The following MNAT1 variants were observed in gnomAD, a reference collection of about 807,000 sequenced individuals.
MNAT1 encodes the protein CDK-activating kinase assembly factor MAT1.
Under a neutral mutation model 42.0 loss-of-function variants are expected in MNAT1, and 43 were observed. The ratio of observed to expected loss-of-function variants is 1.02; its 90% confidence interval spans 0.80 to 1.32. MNAT1 has a LOEUF of 1.32. Among genes scored for constraint, MNAT1 ranks in the 40% most tolerant of loss-of-function variants. MNAT1 has a pLI of 0.00. For missense variants in MNAT1, 306 were observed against 350.4 expected, an observed-to-expected ratio of 0.87 and a Z score of 1.01; for synonymous variants, 118 against 120.0, an observed-to-expected ratio of 0.98 and a Z score of 0.11.
At chr14:60,952,225 T>C (rs1408389763) in intron 7 of MNAT1, among the ~76,000 whole-genome samples, 3 of 152,022 alleles carry the variant, frequency 2.0e-5, no homozygotes, top group African/African-American at 7.2e-5. Context: ...TAATGGAAAA[T>C]ATGTTTGGAA....
At chr14:60,869,040 A>AT (rs71114162) in intron 6 of MNAT1, among the ~76,000 whole-genome samples, 4,958 of 113,098 alleles carry the variant, frequency 0.044, 223 homozygotes, top group African/African-American at 0.061. Context: ...ATATATATAT[A>AT]TTTTTTTTTT....
intron 1 of MNAT1, among the ~76,000 whole-genome samples, chr14:60,783,137 G>T (rs1448502948): frequency 6.6e-6 from 1 of 152,148 alleles, no homozygotes; most frequent in Admixed American, 6.5e-5. Flanking sequence ...TGTCAAGTGG[G>T]TCTAAGCTTT....
chr14:60,963,774 TGAACCAATCCAA>T (rs2139624803), intron 7 of MNAT1, among the ~76,000 whole-genome samples: 1 of 152,372 alleles, frequency 6.6e-6, no homozygotes, highest in African/African-American at 2.4e-5. Context: ...TTTCTTAGTT[TGAACCAATCCAA>T]GTTTTTAACT....
chr14:60,888,624 A>G (rs1055572793), intron 7 of MNAT1, among the ~76,000 whole-genome samples: 67 of 150,976 alleles, frequency 4.4e-4, no homozygotes, highest in African/African-American at 1.6e-3. Context: ...AAGGAAATAA[A>G]GGGCATTCAA....
intron 1 of MNAT1, among the ~76,000 whole-genome samples, chr14:60,774,208 G>C (rs1187603588): frequency 6.6e-6 from 1 of 152,204 alleles, no homozygotes; most frequent in African/African-American, 2.4e-5. Flanking sequence ...TTTCCAGTAA[G>C]AGTCTTTCTA....
chr14:60,819,750 C>T (rs1386980510), intron 6 of MNAT1, among the ~76,000 whole-genome samples: 4 of 152,240 alleles, frequency 2.6e-5, no homozygotes, highest in African/African-American at 9.6e-5. Flanking sequence ...CTGAGTTCAA[C>T]TCTCAACAAC....
chr14:60,791,530 G>T (rs1307067141), intron 1 of MNAT1, among the ~76,000 whole-genome samples: 1 of 152,062 alleles, frequency 6.6e-6, no homozygotes, highest in Non-Finnish European at 1.5e-5. Context: ...GGTATGAAAG[G>T]ACTGATGAGG....
chr14:60,747,667 A>G (rs1166460497), intron 1 of MNAT1, among the ~76,000 whole-genome samples: 1 of 152,214 alleles, frequency 6.6e-6, no homozygotes, highest in Non-Finnish European at 1.5e-5. Flanking sequence ...ATTACTATAC[A>G]CTACTGTAGA....
chr14:60,759,957 A>G (rs1379892166), intron 1 of MNAT1, among the ~76,000 whole-genome samples: 1 of 152,198 alleles, frequency 6.6e-6, no homozygotes, highest in Non-Finnish European at 1.5e-5. Context: ...GCATAGTATA[A>G]TATGGAAGTA....
intron 7 of MNAT1, among the ~76,000 whole-genome samples, chr14:60,965,636 G>A (rs2036668493): frequency 6.6e-6 from 1 of 152,148 alleles, no homozygotes. Context: ...GTTGCACAGT[G>A]GTTTGTATTA....
At chr14:60,965,738 C>T (rs1331855799) in intron 7 of MNAT1, among the ~76,000 whole-genome samples, 1 of 152,116 alleles carries the variant, frequency 6.6e-6, no homozygotes, top group Non-Finnish European at 1.5e-5. Context: ...CATAAGTGAA[C>T]ATCTATTGAA....
intron 3 of MNAT1, among the ~76,000 whole-genome samples, chr14:60,803,652 G>A (rs890723042): frequency 1.3e-5 from 2 of 152,132 alleles, no homozygotes; most frequent in South Asian, 2.1e-4. Context: ...ATTTGAACTC[G>A]ATCTTATAGG....
chr14:60,774,661 A>G (rs908953064), intron 1 of MNAT1, among the ~76,000 whole-genome samples: 1 of 152,228 alleles, frequency 6.6e-6, no homozygotes, highest in Non-Finnish European at 1.5e-5. Flanking sequence ...AGTGGCATAT[A>G]ACAGTGCAAA....
intron 5 of MNAT1, among the ~76,000 whole-genome samples, 173 bp downstream of exon 5, chr14:60,812,300 G>T (rs2032577416): frequency 2.0e-5 from 3 of 151,902 alleles, no homozygotes; most frequent in Admixed American, 6.5e-5. Context: ...ATAAGAGGTT[G>T]CCCTCCATCC....
intron 6 of MNAT1, among the ~76,000 whole-genome samples, chr14:60,839,970 G>A (rs967275655): frequency 3.9e-5 from 6 of 152,220 alleles, no homozygotes; most frequent in Admixed American, 2.6e-4. Flanking sequence ...CGAGGGGGTG[G>A]AATGAGCCCA....
chr14:60,866,769 T>A (rs777115826), intron 6 of MNAT1, among the ~76,000 whole-genome samples: 1 of 152,088 alleles, frequency 6.6e-6, no homozygotes, highest in Non-Finnish European at 1.5e-5. Context: ...TATATATTAT[T>A]TGAGGATCTT....
chr14:60,885,622 T>C (rs2034648902), intron 7 of MNAT1, among the ~76,000 whole-genome samples: 1 of 152,052 alleles, frequency 6.6e-6, no homozygotes, highest in Non-Finnish European at 1.5e-5. Context: ...TTGTTTGCCT[T>C]TGAGCTATTC....
chr14:60,767,239 C>A (rs566783341), intron 1 of MNAT1, among the ~76,000 whole-genome samples: 2 of 152,076 alleles, frequency 1.3e-5, no homozygotes, highest in Non-Finnish European at 2.9e-5. Context: ...TACAAGAAAC[C>A]CTTGTGCTTT....
chr14:60,855,382 G>A (rs982991626), intron 6 of MNAT1, among the ~76,000 whole-genome samples: 8 of 152,198 alleles, frequency 5.3e-5, no homozygotes, highest in Non-Finnish European at 1.0e-4. Context: ...CCTGCAGCTA[G>A]GTTGGTGTCT....
Sources: gnomAD v4.1 joint callset for allele counts (sites outside exome capture counted in the v4.1 genomes callset) on GRCh38, gnomAD v4.1.1 for gene constraint, MANE v1.5 for transcripts, NCBI Gene and HGNC (gene_info 2026-07-23, HGNC 2026-07-21) for gene names.